The following ARHGEF39 variants were observed in gnomAD, a reference collection of about 807,000 sequenced individuals.
ARHGEF39 encodes Rho guanine nucleotide exchange factor 39, also known as Rho guanine nucleotide exchange factor (GEF) 39.
In ARHGEF39, 45 loss-of-function variants were observed where a neutral mutation model predicts 47.5. The ratio of observed to expected loss-of-function variants is 0.95; its 90% CI spans 0.75 to 1.22. The LOEUF (loss-of-function observed/expected upper bound fraction) is 1.22, where lower values mean the gene tolerates loss of function less well. Ranked by LOEUF, ARHGEF39 falls within the 50% of genes most tolerant of loss-of-function variation. The pLI is 0.00. For missense variants in ARHGEF39, 411 were observed against 425.3 expected (o/e 0.97, Z 0.30); for synonymous variants, 164 against 167.8 (o/e 0.98, Z 0.17).
chr9:35,664,610 C>G (rs1587936723), intron 2 of ARHGEF39, 118 bp from the exon 3 acceptor site: 4 of 1,485,476 alleles, frequency 2.7e-6, no homozygotes, highest in Non-Finnish European at 3.6e-6. Flanking sequence ...AGATGGAGAA[C>G]AAGGGCATGC....
rs1297792973 is a variant in ARHGEF39, at chr9:35,662,751, G to A, written c.674-10C>T. The A allele has an allele frequency of 6.4e-7, 1 of 1,551,468 alleles. No homozygotes were observed. The highest frequency in any genetic ancestry group is 8.7e-7 in the Non-Finnish European group (1 of 1,147,286). On this transcript the variant is annotated splice_polypyrimidine_tract_variant and intron_variant, in intron 6 of 8. Transcript: ENST00000378387. ...CGTAGGAACCAGCGCCCTGGGGGAT[G>A]GGAGCGCTGTTATTCTGGTGCAGCT...
At chr9:35,664,165 G>T in intron 3 of ARHGEF39, 39 bp from the exon 4 acceptor site, 1 of 1,585,970 alleles carries the variant, frequency 6.3e-7, no homozygotes, top group Non-Finnish European at 8.7e-7. Context: ...AGGGAGAGAA[G>T]CCACTCCTTA....
At position 35,663,017 on chromosome 9, in the gene ARHGEF39, T is replaced by C. The variant is rs1185966915; in HGVS notation, c.602A>G (p.Gln201Arg). 6.2e-7 allele frequency: 1 copy of C among 1,611,284 alleles called. No homozygotes were observed. Residue 201 changes from glutamine to arginine, a missense_variant, in exon 6 of 9, where the codon CAG becomes CGG. By Grantham distance (43) the Gln-to-Arg change is conservative. Coordinates refer to ENST00000378387, the MANE Select transcript of ARHGEF39 (RefSeq NM_032818.3). ...ACGCCGAAGGTGCTGGTCATTCTTC[T>C]GTTTCTGACCAATAGTATGGACTCT... ...AQRVHTIGQK[Q>R]KNDQHLRRVQ...
chr9:35,660,481 G>C lies in ARHGEF39; in HGVS notation c.*1506C>G. On this transcript the variant is annotated 3_prime_UTR_variant, in exon 9 of 9. Transcript: ENST00000378387. ...AGTCAGGTGGGTTTAGCAGAAGTCT[G>C]TGCTGGGTCGGGGGAGTTTAGGGGA... is the stretch of plus-strand genomic sequence containing the variant. The C allele has an allele frequency of 1.2e-6, 2 of 1,613,448 alleles. No homozygotes were observed. Among genetic ancestry groups the C allele is most frequent in the African/African-American group, 1.3e-5 (1 of 75,040 alleles).
Position 35,661,225 on chromosome 9 carries a change from T to C in ARHGEF39, c.*762A>G. On this transcript the variant is annotated 3_prime_UTR_variant, in exon 9 of 9. Coordinates refer to ENST00000378387, the MANE Select transcript of ARHGEF39 (RefSeq NM_032818.3). ...GTGTGTTTTTTCGATCCTAGTTGGT[T>C]GTACACACCCATACTAGGTGCCTAA... 6.8e-7 allele frequency: 1 copy of C among 1,471,298 alleles called. No homozygotes were observed. 91.1% of individuals were successfully genotyped at this position (1,471,298 alleles called of 1,614,324 possible).
In ARHGEF39 at chr9:35,663,970, TAA is replaced by T. The variant is rs777299805; in HGVS notation, c.473+36_473+37del. On this transcript the variant is annotated intron_variant, in intron 4 of 8. Coordinates refer to ENST00000378387, the MANE Select transcript of ARHGEF39 (RefSeq NM_032818.3). The stretch of plus-strand genomic sequence containing the variant: ...AGCTGAGGGCAGCAGTCATACAAAC[TAA>T]AAGAGAGAGGCGGCTGGAATCAAGA... 1.7e-5 allele frequency: 27 copies of T among 1,593,484 alleles called. 1 individual carries two copies. The Admixed American group carries it at 2.3e-4, about 14-fold the overall frequency.
At chr9:35,662,361 A>T (rs1563915252) in intron 7 of ARHGEF39, 94 bp from the exon 8 acceptor site, 1 of 1,429,708 alleles carries the variant, frequency 7.0e-7, no homozygotes, top group East Asian at 2.3e-5. Flanking sequence ...CAGGGATGAG[A>T]CAATGACTAG....
At position 35,660,856 on chromosome 9, in the gene ARHGEF39, C is replaced by G; in HGVS notation, c.*1131G>C. ...GACAAGGATATGGAGGCTTCAGAACCAGGTGAAGGCTCGGGAGGCGAGTCT... is the reference window on the plus strand; with the variant it reads ...GACAAGGATATGGAGGCTTCAGAACGAGGTGAAGGCTCGGGAGGCGAGTCT... On this transcript the variant is annotated 3_prime_UTR_variant, in exon 9 of 9. Coordinates refer to ENST00000378387, the MANE Select transcript of ARHGEF39 (RefSeq NM_032818.3). 1 of 1,614,154 alleles carries G rather than the reference C, an allele frequency of 6.2e-7. No individual in the cohort carries two copies. The highest frequency in any genetic ancestry group is 8.5e-7 in the Non-Finnish European group (1 of 1,180,034).
At position 35,660,801 on chromosome 9, in the gene ARHGEF39, A is replaced by G. The variant is rs747669830; in HGVS notation, c.*1186T>C. 8.7e-6 allele frequency: 14 copies of G among 1,614,070 alleles called. No individual in the cohort carries two copies. The East Asian group carries it at 2.7e-4, about 31-fold the overall frequency. On this transcript the variant is annotated 3_prime_UTR_variant, in exon 9 of 9. Transcript: ENST00000378387. ...GCTTCTGAACATGAAGCTATGGACCATCCACGAGCTGCTGCAAGATAGCAA... is the reference window on the plus strand; with the variant it reads ...GCTTCTGAACATGAAGCTATGGACCGTCCACGAGCTGCTGCAAGATAGCAA...
At chr9:35,662,472 G>A (rs936231667) in intron 7 of ARHGEF39, 40 bp downstream of exon 7, 1 of 1,575,448 alleles carries the variant, frequency 6.3e-7, no homozygotes, top group Admixed American at 1.8e-5. Context: ...ATAAGCATCT[G>A]AGACATATTT....
intron 4 of ARHGEF39, 114 bp from the exon 5 acceptor site, chr9:35,663,506 C>A: frequency 1.2e-6 from 1 of 865,440 alleles, no homozygotes; most frequent in South Asian, 1.6e-5. Flanking sequence ...GAAAGATCTG[C>A]TTCTGGCTAC....
chr9:35,664,240 G>C lies in ARHGEF39; in HGVS notation c.355-114C>G, dbSNP rs898108148. On this transcript the variant is annotated intron_variant, in intron 3 of 8. Coordinates refer to ENST00000378387, the MANE Select transcript of ARHGEF39 (RefSeq NM_032818.3). ...AGCTGTGCTCCTGAGAGAAACTCTC[G>C]TTTCTCTACAAGGAACTTACCACAG... 9 of 1,514,244 alleles carry C rather than the reference G, an allele frequency of 5.9e-6. No homozygotes were observed. The Admixed American group carries it at 1.5e-4, about 26-fold the overall frequency. 93.8% of individuals were successfully genotyped at this position (1,514,244 alleles called of 1,614,324 possible). A position where few individuals can be genotyped will look rare whatever the true frequency, so the allele number is the denominator to read the frequency against.
Position 35,664,414 on chromosome 9 carries a change from G to A in ARHGEF39, c.312C>T (p.Asn104=), listed in dbSNP as rs1824128409. ...EGFCRHLELY[N]QFAANSERSQ... is the part of the protein sequence containing the mutation. ...ACCTCTCTGAGTTGGCAGCAAATTGGTTATAGAGCTCCAAGTGGCGGCAGA... is the reference window on the plus strand; with the variant it reads ...ACCTCTCTGAGTTGGCAGCAAATTGATTATAGAGCTCCAAGTGGCGGCAGA... The change falls in exon 3 of 9, where the codon AAC becomes AAT. Residue 104 remains asparagine, a synonymous_variant. Coordinates refer to ENST00000378387, the MANE Select transcript of ARHGEF39 (RefSeq NM_032818.3). The A allele has an allele frequency of 6.2e-7, 1 of 1,613,362 alleles. No individual in the cohort carries two copies. The highest frequency in any genetic ancestry group is 8.5e-7 in the Non-Finnish European group (1 of 1,179,584).
In ARHGEF39 at chr9:35,661,058, T is replaced by C. The variant is rs199991115; in HGVS notation, c.*929A>G. Reference sequence around the variant, plus strand: ...GCACAGAGACATGGAACCTAGCTACTTCCTGGGAGGTGGGGCGGGGACTAC... The same window carrying C: ...GCACAGAGACATGGAACCTAGCTACCTCCTGGGAGGTGGGGCGGGGACTAC... On this transcript the variant is annotated 3_prime_UTR_variant, in exon 9 of 9. Coordinates refer to ENST00000378387, the MANE Select transcript of ARHGEF39 (RefSeq NM_032818.3). The C allele has an allele frequency of 3.7e-6, 6 of 1,614,168 alleles. No homozygotes were observed. Among genetic ancestry groups the C allele is most frequent in the Non-Finnish European group, 5.1e-6 (6 of 1,180,014 alleles).
intron 1 of ARHGEF39, 24 bp downstream of exon 1, chr9:35,665,008 G>A (rs777522319): frequency 1.0e-5 from 16 of 1,538,266 alleles, no homozygotes; most frequent in Non-Finnish European, 1.1e-5. Context: ...GTCCTATAAT[G>A]GGAGCGTGTG....
intron 4 of ARHGEF39, among the ~76,000 whole-genome samples, chr9:35,663,792 C>T (rs1824097088): frequency 6.6e-6 from 1 of 152,190 alleles, no homozygotes; most frequent in Non-Finnish European, 1.5e-5. Context: ...CCCCTCACTT[C>T]AATTTAAAGT....
chr9:35,660,542 T>C lies in ARHGEF39; in HGVS notation c.*1445A>G, dbSNP rs1316219971. ...TACATAACCACTTCTGCCCCCTTTT[T>C]TCCCTTATCCCCAGAGCAACAGCTG... On this transcript the variant is annotated 3_prime_UTR_variant, in exon 9 of 9. Coordinates refer to ENST00000378387, the MANE Select transcript of ARHGEF39 (RefSeq NM_032818.3). 2.5e-6 allele frequency: 4 copies of C among 1,614,158 alleles called. No individual in the cohort carries two copies. The highest frequency in any genetic ancestry group is 1.1e-5 in the South Asian group (1 of 91,084).
At chr9:35,664,880 C>T (rs1268457924) in intron 1 of ARHGEF39, 30 bp from the exon 2 acceptor site, 1 of 1,598,436 alleles carries the variant, frequency 6.3e-7, no homozygotes, top group Non-Finnish European at 8.5e-7. Flanking sequence ...TGGTTCTTAG[C>T]CTAGAGGAAG....
chr9:35,663,505 G>A, intron 4 of ARHGEF39, 113 bp from the exon 5 acceptor site: 1 of 900,110 alleles, frequency 1.1e-6, no homozygotes. Flanking sequence ...GGAAAGATCT[G>A]CTTCTGGCTA....
Sources: gnomAD v4.1 joint callset for allele counts (sites outside exome capture counted in the v4.1 genomes callset) on GRCh38, gnomAD v4.1.1 for gene constraint, MANE v1.5 for transcripts, NCBI Gene and HGNC (gene_info 2026-07-23, HGNC 2026-07-21) for gene names.